Variants in COL28A1 observed in about 807,000 individuals in gnomAD.
The protein encoded by COL28A1 is collagen type XXVIII alpha 1 chain, also known as collagen alpha-1(XXVIII) chain.
Under a neutral mutation model 150.2 loss-of-function variants are expected in COL28A1, and 161 were observed. The ratio of observed to expected loss-of-function variants is 1.07; its 90% CI spans 0.94 to 1.22. The LOEUF (loss-of-function observed/expected upper bound fraction) is 1.22, where lower values mean the gene tolerates loss of function less well. Ranked by LOEUF, COL28A1 falls within the 50% of genes most tolerant of loss-of-function variation. The pLI, the probability that COL28A1 is intolerant of heterozygous loss-of-function variation, is 0.00. For missense variants in COL28A1, 1,617 were observed against 1,388.3 expected, an observed-to-expected ratio of 1.16 and a Z score of -2.62; for synonymous variants, 552 against 469.7, an observed-to-expected ratio of 1.18 and a Z score of -2.26.
intron 33 of COL28A1, among the ~76,000 whole-genome samples, chr7:7,367,262 A>C (rs1371569425): frequency 6.6e-6 from 1 of 152,242 alleles, no homozygotes; most frequent in Admixed American, 6.5e-5. Flanking sequence ...TATGATGTTC[A>C]CACAAAAACA....
At chr7:7,446,047 G>A (rs537381830) in intron 18 of COL28A1, among the ~76,000 whole-genome samples, 4 of 151,950 alleles carry the variant, frequency 2.6e-5, no homozygotes, top group East Asian at 3.9e-4. Flanking sequence ...CAGTAGAGAC[G>A]GGCTTTCTCC....
rs139422418 is a variant in COL28A1, at chr7:7,394,366, G to C, written c.2137-12754C>G. ...ATCTCACTGGGAGCTGCAGACCAGAGCTGTTCCTATTCAGCCATCTTGCCA... is the reference window on the plus strand; with the variant it reads ...ATCTCACTGGGAGCTGCAGACCAGACCTGTTCCTATTCAGCCATCTTGCCA... On this transcript the variant is annotated intron_variant, in intron 27 of 34. Coordinates refer to ENST00000399429, the MANE Select transcript of COL28A1 (RefSeq NM_001037763.3). 7.2e-4 allele frequency among the ~76,000 whole-genome samples: 109 copies of C among 152,282 alleles called. 3 individuals are homozygous for C. In the East Asian group the frequency reaches 0.016, roughly 23 times the overall value.
At chr7:7,473,251 C>A (rs987927905) in intron 15 of COL28A1, among the ~76,000 whole-genome samples, 1 of 152,146 alleles carries the variant, frequency 6.6e-6, no homozygotes, top group African/African-American at 2.4e-5. Context: ...AGTAAACAGA[C>A]AACCCACAGA....
intron 11 of COL28A1, among the ~76,000 whole-genome samples, chr7:7,491,701 G>A (rs1054559312): frequency 1.3e-5 from 2 of 152,178 alleles, no homozygotes; most frequent in East Asian, 3.9e-4. Context: ...GAGATTACCT[G>A]GCCAGCCCAA....
the COL28A1 span, among the ~76,000 whole-genome samples, chr7:7,543,346 G>A: frequency 1.0e-3 from 156 of 152,276 alleles, no homozygotes; most frequent in African/African-American, 3.6e-3. Flanking sequence ...CAACTTTGTA[G>A]CTGAATAATA....
chr7:7,490,349 GA>G (rs1240766261), intron 12 of COL28A1, among the ~76,000 whole-genome samples: 2 of 152,168 alleles, frequency 1.3e-5, no homozygotes, highest in Non-Finnish European at 2.9e-5. Flanking sequence ...TGGGTATTTG[GA>G]GACAAGTAAG....
At chr7:7,415,137 T>G (rs910707282) in intron 27 of COL28A1, among the ~76,000 whole-genome samples, 1 of 152,120 alleles carries the variant, frequency 6.6e-6, no homozygotes, top group Non-Finnish European at 1.5e-5. Context: ...ATTTCTCCCA[T>G]AAGTGGAAGG....
At chr7:7,526,543 C>G (rs931237233) in intron 3 of COL28A1, among the ~76,000 whole-genome samples, 1 of 152,018 alleles carries the variant, frequency 6.6e-6, no homozygotes, top group African/African-American at 2.4e-5. Flanking sequence ...ACTAATAATT[C>G]AAGTCAAATT....
intron 11 of COL28A1, among the ~76,000 whole-genome samples, chr7:7,491,096 T>C (rs1189618276): frequency 6.6e-6 from 1 of 152,152 alleles, no homozygotes; most frequent in Non-Finnish European, 1.5e-5. Context: ...GGAAGACATA[T>C]TTTGTTTCCT....
chr7:7,339,736 G>C, the COL28A1 span, among the ~76,000 whole-genome samples: 1 of 152,074 alleles, frequency 6.6e-6, no homozygotes, highest in Non-Finnish European at 1.5e-5. Context: ...ACCATGCTGT[G>C]TTGTCCACCA....
chr7:7,390,240 T>C (rs1019704565), intron 27 of COL28A1, among the ~76,000 whole-genome samples: 1 of 152,206 alleles, frequency 6.6e-6, no homozygotes, highest in Non-Finnish European at 1.5e-5. Flanking sequence ...TCTGCATCTA[T>C]TGAGACAATC....
rs1160269291 is a variant in COL28A1 at position 7,400,975 on chromosome 7, G to GGGGTGGGTGTGT, written c.2136+16883_2136+16884insACACACCCACCC. 2.5e-5 allele frequency among the ~76,000 whole-genome samples: 3 copies of GGGGTGGGTGTGT among 119,074 alleles called. 1 individual carries two copies. Among genetic ancestry groups the GGGGTGGGTGTGT allele is most frequent in the African/African-American group, 1.0e-4 (3 of 29,692 alleles). 78.1% of individuals were successfully genotyped at this position (119,074 alleles called of 152,430 possible). On this transcript the variant is annotated intron_variant, in intron 27 of 34. Coordinates refer to ENST00000399429, the MANE Select transcript of COL28A1 (RefSeq NM_001037763.3). ...GTCCCATAGGACGTGTGGGTATTTG[G>GGGGTGGGTGTGT]GTGTGTGTGTGTGTGTGTGTGTGTG... is the stretch of plus-strand genomic sequence containing the variant.
intron 27 of COL28A1, among the ~76,000 whole-genome samples, chr7:7,416,586 AT>A (rs1784086820): frequency 6.6e-6 from 1 of 152,180 alleles, no homozygotes; most frequent in Admixed American, 6.5e-5. Flanking sequence ...TAAGTATGAG[AT>A]TGGTGTTGTT....
At chr7:7,448,402 A>C (rs192237911) in intron 18 of COL28A1, among the ~76,000 whole-genome samples, 1 of 152,240 alleles carries the variant, frequency 6.6e-6, no homozygotes. Context: ...AACATCTTAA[A>C]AGTACTAAAA....
intron 15 of COL28A1, 148 bp from the exon 16 acceptor site, chr7:7,456,260 C>G: frequency 1.7e-6 from 2 of 1,182,044 alleles, no homozygotes; most frequent in African/African-American, 1.6e-5. Context: ...TTATTTTATT[C>G]CTTTAAAAGT....
chr7:7,502,361 T>C (rs1431273576), intron 11 of COL28A1, among the ~76,000 whole-genome samples: 6 of 152,226 alleles, frequency 3.9e-5, no homozygotes, highest in Non-Finnish European at 8.8e-5. Context: ...GAAAGTATTA[T>C]TGACAGAAAT....
intron 27 of COL28A1, among the ~76,000 whole-genome samples, chr7:7,393,407 T>A (rs989540253): frequency 7.9e-5 from 12 of 152,160 alleles, no homozygotes; most frequent in Admixed American, 7.9e-4. Context: ...GTGGGAGGTG[T>A]CTCCCAGTCA....
At chr7:7,371,535 T>A (rs1781222481) in intron 32 of COL28A1, among the ~76,000 whole-genome samples, 1 of 152,216 alleles carries the variant, frequency 6.6e-6, no homozygotes. Flanking sequence ...TGATGGGCTG[T>A]GCCCAGCCAC....
chr7:7,458,397 C>T (rs556733237), intron 15 of COL28A1, among the ~76,000 whole-genome samples: 1 of 150,834 alleles, frequency 6.6e-6, no homozygotes, highest in South Asian at 2.1e-4. Flanking sequence ...GCCTGGACAA[C>T]AAGAGTGAAA....
Sources: gnomAD v4.1 joint callset for allele counts (sites outside exome capture counted in the v4.1 genomes callset) on GRCh38, gnomAD v4.1.1 for gene constraint, MANE v1.5 for transcripts, NCBI Gene and HGNC (gene_info 2026-07-23, HGNC 2026-07-21) for gene names.